CCDC7: variants seen among roughly 807,000 people sequenced by gnomAD.
The protein encoded by CCDC7 is coiled-coil domain-containing protein 7.
Under a neutral mutation model 196.9 loss-of-function variants are expected in CCDC7, and 183 were observed. That is an observed-to-expected ratio of 0.93 (90% confidence interval 0.82 to 1.05). The LOEUF (loss-of-function observed/expected upper bound fraction) is 1.05, where lower values mean the gene tolerates loss of function less well. Ranked by LOEUF, CCDC7 falls within the 50% of genes least tolerant of loss-of-function variation. The pLI is 0.00. For synonymous variants in CCDC7, 525 were observed against 484.6 expected, an observed-to-expected ratio of 1.08 and a Z score of -1.10; for missense variants, 1,540 against 1,482.2, an observed-to-expected ratio of 1.04 and a Z score of -0.64.
intron 11 of CCDC7, among the ~76,000 whole-genome samples, chr10:32,536,742 C>G (rs1384964339): frequency 3.3e-5 from 5 of 152,274 alleles, no homozygotes; most frequent in Middle Eastern, 6.8e-3. Context: ...TTAGCTCCCC[C>G]TTATAAGTAA....
intron 13 of CCDC7, among the ~76,000 whole-genome samples, chr10:32,554,398 T>C (rs1204657336): frequency 6.6e-6 from 1 of 152,234 alleles, no homozygotes; most frequent in East Asian, 1.9e-4. Flanking sequence ...TGTGGAGTTT[T>C]ACCCCCTGGT....
At chr10:32,836,173 G>C (rs1027704400) in intron 33 of CCDC7, among the ~76,000 whole-genome samples, 3 of 151,982 alleles carry the variant, frequency 2.0e-5, no homozygotes, top group Non-Finnish European at 4.4e-5. Flanking sequence ...AGAGAAATAC[G>C]GGAAAGAGGC....
chr10:32,642,489 C>T (rs749366832), intron 20 of CCDC7, among the ~76,000 whole-genome samples: 56 of 152,312 alleles, frequency 3.7e-4, no homozygotes, highest in Admixed American at 1.4e-3. Context: ...GTTTGCTGAC[C>T]GTTGGAAGAG....
intron 28 of CCDC7, among the ~76,000 whole-genome samples, chr10:32,747,992 G>T (rs897698875): frequency 6.6e-6 from 1 of 152,186 alleles, no homozygotes; most frequent in African/African-American, 2.4e-5. Flanking sequence ...ACTGGATAAA[G>T]AAAATGTGGT....
In CCDC7 at chr10:32,688,985, T is replaced by C. The variant is rs1273629157; in HGVS notation, c.2234-68T>C. The C allele has an allele frequency of 5.8e-6, 6 of 1,038,012 alleles. No homozygotes were observed. In the East Asian group the frequency reaches 1.2e-4, roughly 21 times the overall value. The allele number at this position is 1,038,012 out of a possible 1,614,324, so 64.3% of individuals were successfully genotyped here. On this transcript the variant is annotated intron_variant, in intron 22 of 41. Coordinates refer to ENST00000639629, the Ensembl canonical transcript of CCDC7. Reference sequence around the variant, plus strand: ...GAAAATGCCACTGCACATTCGTAAATTTGAAATCTACAGATTTCAAATGGA... The same window carrying C: ...GAAAATGCCACTGCACATTCGTAAACTTGAAATCTACAGATTTCAAATGGA...
At chr10:32,703,619 T>G (rs180773964) in intron 24 of CCDC7, among the ~76,000 whole-genome samples, 49 of 152,244 alleles carry the variant, frequency 3.2e-4, no homozygotes, top group Middle Eastern at 3.4e-3. Context: ...TTTTCCAACT[T>G]GGTTCCATTC....
At chr10:32,525,425 A>G (rs1181254566) in intron 11 of CCDC7, among the ~76,000 whole-genome samples, 1 of 152,112 alleles carries the variant, frequency 6.6e-6, no homozygotes, top group Non-Finnish European at 1.5e-5. Context: ...TCTTTGTTAA[A>G]TTTATCTGAT....
At chr10:32,811,997 T>C (rs2087250116) in intron 30 of CCDC7, among the ~76,000 whole-genome samples, 1 of 152,014 alleles carries the variant, frequency 6.6e-6, no homozygotes, top group African/African-American at 2.4e-5. Context: ...GAAAAAACAT[T>C]TGATAAAATT....
chr10:32,814,493 G>T lies in CCDC7; in HGVS notation c.3181+40G>T, dbSNP rs371548714. ...TTTACACATTTAGTATTTCTGGTTA[G>T]TTTATATTCTCTGGAGTGTAACTAA... is the stretch of plus-strand genomic sequence containing the variant. On this transcript the variant is annotated intron_variant, in intron 31 of 41. Transcript: ENST00000639629. 4.0e-5 allele frequency: 57 copies of T among 1,424,180 alleles called. No individual in the cohort carries two copies. In the Admixed American group the frequency reaches 4.0e-4, roughly 10 times the overall value. 88.2% of individuals were successfully genotyped at this position (1,424,180 alleles called of 1,614,324 possible).
At chr10:32,818,171 A>T (rs1175989692) in intron 31 of CCDC7, among the ~76,000 whole-genome samples, 2 of 152,192 alleles carry the variant, frequency 1.3e-5, no homozygotes, top group Admixed American at 6.5e-5. Context: ...AAACAAAAAA[A>T]GGCAAGGGTT....
At chr10:32,726,785 A>G (rs755221183) in exon 26 of CCDC7, 1 of 1,603,614 alleles carries the variant, frequency 6.2e-7, no homozygotes, top group South Asian at 1.1e-5. Flanking sequence ...TCAAAACTCC[A>G]AATGCAAGAA....
At chr10:32,462,695 C>T in exon 4 of CCDC7, 1 of 1,453,666 alleles carries the variant, frequency 6.9e-7, no homozygotes, top group Non-Finnish European at 9.4e-7. Context: ...TTTGGAATCT[C>T]TTTTTAAGGT....
intron 9 of CCDC7, 68 bp from the exon 11 acceptor site, chr10:32,517,877 G>A (rs1404678015): frequency 1.5e-5 from 23 of 1,530,492 alleles, no homozygotes; most frequent in Admixed American, 1.9e-5. Context: ...AAAAGAAAAT[G>A]TGTGTGTTTC....
chr10:32,481,670 G>C (rs1435409609), intron 8 of CCDC7: 1 of 152,098 alleles, frequency 6.6e-6, no homozygotes, highest in Non-Finnish European at 1.5e-5. Context: ...TTTCATTTCA[G>C]ATTGAAGAGC....
At chr10:32,780,968 CAG>C (rs1457116161) in intron 29 of CCDC7, among the ~76,000 whole-genome samples, 4 of 151,984 alleles carry the variant, frequency 2.6e-5, no homozygotes, top group African/African-American at 9.7e-5. Context: ...AAAATCAAAA[CAG>C]AAAGTGGGAA....
chr10:32,494,272 T>C (rs1438786907), intron 9 of CCDC7, among the ~76,000 whole-genome samples: 2 of 152,200 alleles, frequency 1.3e-5, no homozygotes, highest in East Asian at 3.8e-4. Flanking sequence ...CACAATTTAT[T>C]GAAGAGACAT....
At chr10:32,692,575 T>G (rs918387685) in intron 23 of CCDC7, among the ~76,000 whole-genome samples, 3 of 152,162 alleles carry the variant, frequency 2.0e-5, no homozygotes, top group Non-Finnish European at 4.4e-5. Flanking sequence ...GGCTCACTAG[T>G]ACCTACCAAA....
chr10:32,598,311 G>A (rs910169655), intron 18 of CCDC7, among the ~76,000 whole-genome samples: 15 of 152,172 alleles, frequency 9.9e-5, no homozygotes, highest in Non-Finnish European at 1.8e-4. Flanking sequence ...AGTCAGGCAC[G>A]GGATATAATC....
At position 32,567,650 on chromosome 10, in the gene CCDC7, T is replaced by G. The variant is rs763977524; in HGVS notation, c.1198-20T>G. Reference sequence around the variant, plus strand: ...AAATATCAGAAAATGCTTAATAAACTGGTACTTTTTTAAAAACAGGAAGCT... The same window carrying G: ...AAATATCAGAAAATGCTTAATAAACGGGTACTTTTTTAAAAACAGGAAGCT... On this transcript the variant is annotated intron_variant, in intron 14 of 41. Transcript: ENST00000639629. The G allele has an allele frequency of 6.3e-7, 1 of 1,594,650 alleles. No homozygotes were observed. The highest frequency in any genetic ancestry group is 8.5e-7 in the Non-Finnish European group (1 of 1,172,052).
Sources: allele counts gnomAD v4.1 joint callset (sites outside exome capture counted in the v4.1 genomes callset), GRCh38; gene constraint gnomAD v4.1.1; transcripts MANE v1.5; gene names NCBI Gene and HGNC (gene_info 2026-07-23, HGNC 2026-07-21).